HECTD2: variants seen among roughly 807,000 people sequenced by gnomAD.
HECTD2 encodes the protein HECT domain E3 ubiquitin protein ligase 2.
In HECTD2, 35 loss-of-function variants were observed where a neutral mutation model predicts 103.2. The ratio of observed to expected loss-of-function variants is 0.34; its 90% CI spans 0.26 to 0.45. The LOEUF (loss-of-function observed/expected upper bound fraction) is 0.45, where lower values mean the gene tolerates loss of function less well. Ranked by LOEUF, HECTD2 falls within the 20% of genes least tolerant of loss-of-function variation. The probability of loss-of-function intolerance (pLI) is 1.00; values close to 1 mark genes in which losing one functional copy is unlikely to be tolerated. For missense variants in HECTD2, 596 were observed against 937.4 expected, an observed-to-expected ratio of 0.64 and a Z score of 4.76; for synonymous variants, 281 against 329.9, an observed-to-expected ratio of 0.85 and a Z score of 1.61.
chr10:91,429,589 T>C (rs1253855275), intron 2 of HECTD2, among the ~76,000 whole-genome samples: 1 of 152,254 alleles, frequency 6.6e-6, no homozygotes, highest in Non-Finnish European at 1.5e-5. Flanking sequence ...ATTCAAATTC[T>C]TCCTGGTTTA....
At chr10:91,413,351 G>A (rs1332531327) in intron 1 of HECTD2, among the ~76,000 whole-genome samples, 7 of 152,104 alleles carry the variant, frequency 4.6e-5, no homozygotes, top group Non-Finnish European at 1.0e-4. Flanking sequence ...AGCTAGTGAG[G>A]AGGTGCCTAA....
chr10:91,409,542 G>A (rs902316773), upstream of HECTD2: 3 of 152,788 alleles, frequency 2.0e-5, no homozygotes, highest in Non-Finnish European at 4.4e-5. Flanking sequence ...AGGCGGATTT[G>A]GCAGTCAAAG....
chr10:91,463,416 A>T (rs1278707681), intron 5 of HECTD2: 6 of 152,202 alleles, frequency 3.9e-5, no homozygotes, highest in Admixed American at 3.9e-4. Flanking sequence ...GTGAAAGAAA[A>T]TAATGTATAT....
chr10:91,422,885 C>T (rs1237063270), intron 1 of HECTD2, among the ~76,000 whole-genome samples: 1 of 151,982 alleles, frequency 6.6e-6, no homozygotes, highest in African/African-American at 2.4e-5. Flanking sequence ...GTGAACTAAG[C>T]AATATTCTTT....
At chr10:91,454,773 A>G (rs1038008108) in intron 2 of HECTD2, among the ~76,000 whole-genome samples, 1 of 151,680 alleles carries the variant, frequency 6.6e-6, no homozygotes, top group Non-Finnish European at 1.5e-5. Flanking sequence ...CCTGTGTCCA[A>G]GTGTTCTCAT....
At chr10:91,483,932 A>G (rs1589531117) in intron 8 of HECTD2, among the ~76,000 whole-genome samples, 2 of 151,984 alleles carry the variant, frequency 1.3e-5, no homozygotes, top group African/African-American at 4.8e-5. Flanking sequence ...AGGGCACATC[A>G]CAACCTTCTT....
intron 20 of HECTD2, among the ~76,000 whole-genome samples, chr10:91,508,409 C>T (rs1847281145): frequency 6.6e-6 from 1 of 151,394 alleles, no homozygotes; most frequent in African/African-American, 2.4e-5. Context: ...CTACAATGAA[C>T]TCAAAACAAA....
chr10:91,480,822 CCTAA>C (rs1216604758), intron 6 of HECTD2, among the ~76,000 whole-genome samples: 1 of 151,948 alleles, frequency 6.6e-6, no homozygotes, highest in South Asian at 2.1e-4. Context: ...TTATTACACA[CCTAA>C]CTACTTCCAG....
At chr10:91,430,280 A>T (rs1172550231) in intron 2 of HECTD2, among the ~76,000 whole-genome samples, 2 of 152,048 alleles carry the variant, frequency 1.3e-5, no homozygotes, top group Admixed American at 6.6e-5. Context: ...ACATTTGCTG[A>T]GGAGAGCTTT....
intron 16 of HECTD2, 112 bp downstream of exon 16, chr10:91,498,294 A>T: frequency 1.4e-6 from 1 of 725,850 alleles, no homozygotes. Flanking sequence ...TAACCAATAC[A>T]TACAATCCTC....
At chr10:91,411,255 C>T (rs1842907704) in intron 1 of HECTD2, among the ~76,000 whole-genome samples, 1 of 152,178 alleles carries the variant, frequency 6.6e-6, no homozygotes, top group Non-Finnish European at 1.5e-5. Flanking sequence ...CGCTGTCAGG[C>T]TTCAAACTAC....
intron 13 of HECTD2, among the ~76,000 whole-genome samples, chr10:91,492,785 G>A (rs1375439620): frequency 6.6e-6 from 1 of 151,994 alleles, no homozygotes; most frequent in Non-Finnish European, 1.5e-5. Context: ...ATTTGTCATT[G>A]AAATAAACAT....
chr10:91,504,433 G>A lies in HECTD2; in HGVS notation c.2210+3099G>A, dbSNP rs541877380. Among the ~76,000 whole-genome samples the A allele has an allele frequency of 3.9e-5, 6 of 152,204 alleles. No homozygotes were observed. In the South Asian group the frequency reaches 1.2e-3, roughly 32 times the overall value. On this transcript the variant is annotated intron_variant, in intron 20 of 20. Coordinates refer to ENST00000298068, the MANE Select transcript of HECTD2 (RefSeq NM_182765.6). ...TAACCAATACAGAGAAGTGCTTAAA[G>A]GAGCTGATGGAGCTGAAAACCAAGG...
chr10:91,493,386 T>C (rs752018378), intron 13 of HECTD2, 34 bp from the exon 14 acceptor site: 2 of 1,195,596 alleles, frequency 1.7e-6, no homozygotes, highest in Non-Finnish European at 2.3e-6. Flanking sequence ...AAGTCAATCA[T>C]GTTAATAATA....
chr10:91,426,454 A>G (rs1025602213), intron 2 of HECTD2, among the ~76,000 whole-genome samples: 21 of 152,156 alleles, frequency 1.4e-4, no homozygotes, highest in African/African-American at 5.1e-4. Context: ...TTTCTGTTTG[A>G]CACTCTAAGC....
At chr10:91,474,679 C>T (rs940113775) in intron 5 of HECTD2, among the ~76,000 whole-genome samples, 5 of 152,122 alleles carry the variant, frequency 3.3e-5, no homozygotes, top group Non-Finnish European at 5.9e-5. Context: ...AAATGCATGT[C>T]ATATACAGCT....
At chr10:91,430,559 G>C (rs939116263) in intron 2 of HECTD2, among the ~76,000 whole-genome samples, 1 of 152,130 alleles carries the variant, frequency 6.6e-6, no homozygotes, top group Non-Finnish European at 1.5e-5. Flanking sequence ...GAATCTGGGT[G>C]CTCCTGTGTT....
intron 2 of HECTD2, among the ~76,000 whole-genome samples, chr10:91,437,998 GC>G (rs1844208504): frequency 6.6e-6 from 1 of 151,898 alleles, no homozygotes; most frequent in Non-Finnish European, 1.5e-5. Flanking sequence ...AAGCAGAGTT[GC>G]TGTGAGTAAA....
chr10:91,455,149 T>C (rs575229554), intron 2 of HECTD2, among the ~76,000 whole-genome samples: 9 of 152,186 alleles, frequency 5.9e-5, no homozygotes, highest in African/African-American at 2.2e-4. Context: ...CGCCACACTG[T>C]CTTCCACAAT....
Sources: allele counts gnomAD v4.1 joint callset (sites outside exome capture counted in the v4.1 genomes callset), GRCh38; gene constraint gnomAD v4.1.1; transcripts MANE v1.5; gene names NCBI Gene and HGNC (gene_info 2026-07-23, HGNC 2026-07-21).